ARHGAP15: variants seen among roughly 807,000 people sequenced by gnomAD.
ARHGAP15 encodes the protein Rho GTPase activating protein 15.
ARHGAP15 carries 51 observed loss-of-function variants against 63.7 expected under a neutral mutation model. That is an observed-to-expected ratio of 0.80 (90% CI 0.64 to 1.01). The LOEUF is 1.01. ARHGAP15 is among the 50% of genes least tolerant of loss of function. The probability of loss-of-function intolerance (pLI) is 0.00; values close to 1 mark genes in which losing one functional copy is unlikely to be tolerated. For synonymous variants in ARHGAP15, 191 were observed against 193.8 expected, an observed-to-expected ratio of 0.99 and a Z score of 0.12; for missense variants, 560 against 564.6, an observed-to-expected ratio of 0.99 and a Z score of 0.08.
chr2:143,250,402 G>A (rs996407314), intron 5 of ARHGAP15, 109 bp from the exon 6 acceptor site: 34 of 745,642 alleles, frequency 4.6e-5, no homozygotes, highest in African/African-American at 9.2e-5. Context: ...AACAAAAAAG[G>A]CATTATATCA....
At chr2:143,253,620 A>G (rs1025283514) in intron 6 of ARHGAP15, among the ~76,000 whole-genome samples, 2 of 151,912 alleles carry the variant, frequency 1.3e-5, no homozygotes, top group African/African-American at 4.8e-5. Context: ...ATAACAGCAC[A>G]CTCTTTGGCC....
chr2:143,384,488 A>G (rs562956472), intron 6 of ARHGAP15, among the ~76,000 whole-genome samples: 2 of 152,108 alleles, frequency 1.3e-5, no homozygotes, highest in Non-Finnish European at 2.9e-5. Flanking sequence ...AGCTATCCTG[A>G]CCATATGGAA....
intron 9 of ARHGAP15, among the ~76,000 whole-genome samples, chr2:143,488,920 A>G (rs1692447279): frequency 6.6e-6 from 1 of 152,196 alleles, no homozygotes; most frequent in Non-Finnish European, 1.5e-5. Context: ...GATGCATAAT[A>G]CTTTTCTGAG....
At chr2:143,378,102 C>T (rs546168549) in intron 6 of ARHGAP15, among the ~76,000 whole-genome samples, 121 of 151,896 alleles carry the variant, frequency 8.0e-4, no homozygotes, top group African/African-American at 2.7e-3. Context: ...GTGAAGGGTC[C>T]CCCTCACCAA....
chr2:143,140,095 TC>T (rs1159987814), intron 1 of ARHGAP15, among the ~76,000 whole-genome samples: 3 of 152,196 alleles, frequency 2.0e-5, no homozygotes, highest in Non-Finnish European at 4.4e-5. Context: ...GACTTTTTTT[TC>T]TTCACTATGA....
intron 6 of ARHGAP15, among the ~76,000 whole-genome samples, chr2:143,307,684 A>G (rs1169707589): frequency 6.6e-6 from 1 of 152,264 alleles, no homozygotes; most frequent in South Asian, 2.1e-4. Flanking sequence ...ACGAAAAAAA[A>G]TTTCAAATAC....
intron 13 of ARHGAP15, among the ~76,000 whole-genome samples, chr2:143,753,160 A>G (rs183078408): frequency 1.7e-4 from 26 of 152,260 alleles, no homozygotes; most frequent in Admixed American, 1.5e-3. Context: ...CATACATAAC[A>G]TAAAATATAT....
chr2:143,368,172 G>A (rs1686378884), intron 6 of ARHGAP15, among the ~76,000 whole-genome samples: 1 of 151,936 alleles, frequency 6.6e-6, no homozygotes, highest in African/African-American at 2.4e-5. Context: ...CAAATTTGAG[G>A]CAAATAAAAA....
chr2:143,360,516 G>A (rs1043038797), intron 6 of ARHGAP15, among the ~76,000 whole-genome samples: 1 of 150,660 alleles, frequency 6.6e-6, no homozygotes, highest in Non-Finnish European at 1.5e-5. Flanking sequence ...AAAAAAAAAT[G>A]ATCTTTAATA....
At chr2:143,475,456 T>C (rs1691768408) in intron 8 of ARHGAP15, among the ~76,000 whole-genome samples, 1 of 152,256 alleles carries the variant, frequency 6.6e-6, no homozygotes, top group Admixed American at 6.5e-5. Context: ...ATGCTTTTAA[T>C]AGAGGGTTCT....
intron 8 of ARHGAP15, among the ~76,000 whole-genome samples, chr2:143,465,734 A>G (rs1016005694): frequency 2.6e-5 from 4 of 152,004 alleles, no homozygotes; most frequent in South Asian, 4.2e-4. Flanking sequence ...TTTCATCACT[A>G]CTTTTTGACA....
intron 2 of ARHGAP15, among the ~76,000 whole-genome samples, chr2:143,190,061 T>G (rs1691619322): frequency 1.3e-5 from 2 of 152,202 alleles, no homozygotes; most frequent in Non-Finnish European, 2.9e-5. Flanking sequence ...TTCTAAAGAT[T>G]GTAAGCTTCA....
At chr2:143,688,290 C>T (rs1235465430) in intron 12 of ARHGAP15, among the ~76,000 whole-genome samples, 1 of 152,120 alleles carries the variant, frequency 6.6e-6, no homozygotes, top group Non-Finnish European at 1.5e-5. Context: ...CTCTCTGCAG[C>T]TTTGATATTT....
intron 6 of ARHGAP15, among the ~76,000 whole-genome samples, chr2:143,321,837 C>T (rs1684038002): frequency 1.3e-5 from 2 of 152,140 alleles, no homozygotes; most frequent in African/African-American, 2.4e-5. Context: ...CTGGGACCAC[C>T]GGGTACACAC....
At chr2:143,207,010 A>G (rs1021275142) in intron 3 of ARHGAP15, among the ~76,000 whole-genome samples, 1 of 151,316 alleles carries the variant, frequency 6.6e-6, no homozygotes, top group Non-Finnish European at 1.5e-5. Flanking sequence ...TTTTTACATA[A>G]AAAATTATAA....
intron 13 of ARHGAP15, among the ~76,000 whole-genome samples, chr2:143,746,057 G>T (rs1271001084): frequency 2.0e-5 from 3 of 152,112 alleles, no homozygotes; most frequent in Non-Finnish European, 2.9e-5. Context: ...TTGACCTCAC[G>T]AATTTCCACA....
chr2:143,289,920 G>C (rs376254128), intron 6 of ARHGAP15, among the ~76,000 whole-genome samples: 1 of 152,070 alleles, frequency 6.6e-6, no homozygotes, highest in East Asian at 1.9e-4. Flanking sequence ...CTTTACAATA[G>C]TCATTCATAA....
intron 12 of ARHGAP15, among the ~76,000 whole-genome samples, chr2:143,698,142 G>C (rs1381416353): frequency 6.6e-6 from 1 of 152,088 alleles, no homozygotes; most frequent in Admixed American, 6.6e-5. Flanking sequence ...TTCTTCCTCT[G>C]AGTGGACCTA....
At chr2:143,762,797 AC>A (rs1559165579) in intron 13 of ARHGAP15, among the ~76,000 whole-genome samples, 1 of 152,144 alleles carries the variant, frequency 6.6e-6, no homozygotes, top group Non-Finnish European at 1.5e-5. Context: ...TTTCTCCAAA[AC>A]TTTTACTTTG....
Sources: gnomAD v4.1 joint callset for allele counts (sites outside exome capture counted in the v4.1 genomes callset) on GRCh38, gnomAD v4.1.1 for gene constraint, MANE v1.5 for transcripts, NCBI Gene and HGNC (gene_info 2026-07-23, HGNC 2026-07-21) for gene names.